Variants in CHCHD3 observed in about 807,000 individuals in gnomAD.
CHCHD3 encodes MICOS complex subunit MIC19.
A neutral mutation model predicts 38.2 loss-of-function variants in CHCHD3; 20 were observed. The observed-to-expected ratio is 0.52, with a 90% CI of 0.37 to 0.76. The LOEUF is 0.76. Ranked by LOEUF, CHCHD3 falls within the 30% of genes least tolerant of loss-of-function variation. The pLI, the probability that CHCHD3 is intolerant of heterozygous loss-of-function variation, is 0.00. For missense variants in CHCHD3, 245 were observed against 279.2 expected (o/e 0.88, Z 0.87); for synonymous variants, 82 against 100.0 (o/e 0.82, Z 1.07).
intron 4 of CHCHD3, among the ~76,000 whole-genome samples, chr7:132,936,725 T>C (rs1472760274): frequency 6.6e-6 from 1 of 152,224 alleles, no homozygotes; most frequent in African/African-American, 2.4e-5. Context: ...AGGATGTGGA[T>C]AATTACTATA....
chr7:132,893,881 G>A (rs918939136), intron 4 of CHCHD3, among the ~76,000 whole-genome samples: 1 of 152,190 alleles, frequency 6.6e-6, no homozygotes, highest in African/African-American at 2.4e-5. Context: ...GTGAAATTGT[G>A]AGACAATTAA....
In CHCHD3 at chr7:132,838,413, C is replaced by G. The variant is rs369119410; in HGVS notation, c.510G>C (p.Val170=). The G allele has an allele frequency of 6.2e-7, 1 of 1,610,604 alleles. No homozygotes were observed. Among genetic ancestry groups the G allele is most frequent in the African/African-American group, 1.3e-5 (1 of 74,798 alleles). ...TAAAAACTTACTTGAACTTTGCTTC[C>G]ACCTCTTCAGCAGCTTTCTGATATT... The part of the protein sequence containing the change: ...TEQYQKAAEE[V]EAKFKRYESH... Residue 170 remains valine, a synonymous_variant, in exon 6 of 8, where the codon GTG becomes GTC. Coordinates refer to ENST00000262570, the MANE Select transcript of CHCHD3 (RefSeq NM_017812.4).
intron 4 of CHCHD3, among the ~76,000 whole-genome samples, chr7:132,912,713 C>T (rs1809982177): frequency 6.6e-6 from 1 of 152,144 alleles, no homozygotes; most frequent in African/African-American, 2.4e-5. Context: ...CGCCACCACA[C>T]CCGGCTAATT....
chr7:132,865,735 G>GC (rs1205963629), intron 5 of CHCHD3, among the ~76,000 whole-genome samples: 2 of 152,158 alleles, frequency 1.3e-5, no homozygotes, highest in African/African-American at 4.8e-5. Context: ...AGCAAAGGCA[G>GC]CCCCCGAGCT....
intron 6 of CHCHD3, among the ~76,000 whole-genome samples, chr7:132,799,846 T>G (rs1250331230): frequency 1.3e-5 from 2 of 152,194 alleles, no homozygotes; most frequent in African/African-American, 4.8e-5. Flanking sequence ...TCTTTTACTC[T>G]GCTCTTCCCT....
At chr7:132,997,677 A>C (rs145573177) in intron 3 of CHCHD3, among the ~76,000 whole-genome samples, 27,029 of 148,570 alleles carry the variant, frequency 0.18, 2,991 homozygotes, top group South Asian at 0.25. Context: ...AAAAAAAAAA[A>C]AAAAAAAAAA....
At chr7:133,039,727 TC>T (rs1167698547) in intron 2 of CHCHD3, among the ~76,000 whole-genome samples, 1 of 152,232 alleles carries the variant, frequency 6.6e-6, no homozygotes, top group African/African-American at 2.4e-5. Flanking sequence ...CCATATCTAT[TC>T]TTTCTGCCCT....
chr7:133,081,791 C>G (rs1815178313), intron 1 of CHCHD3, 66 bp downstream of exon 1: 3 of 1,492,924 alleles, frequency 2.0e-6, no homozygotes, highest in South Asian at 1.2e-5. Flanking sequence ...TGAGCGGGTC[C>G]GGAGAAGATG....
intron 2 of CHCHD3, chr7:133,034,821 T>C: frequency 6.2e-7 from 1 of 1,611,758 alleles, no homozygotes; most frequent in East Asian, 2.2e-5. Flanking sequence ...GGAGCTGCTA[T>C]TGTTGGTTCC....
intron 6 of CHCHD3, among the ~76,000 whole-genome samples, chr7:132,807,719 C>G (rs1187272785): frequency 1.4e-5 from 2 of 147,328 alleles, no homozygotes; most frequent in Non-Finnish European, 3.0e-5. Flanking sequence ...TGAAAAAATA[C>G]ACAATTGCAA....
chr7:132,946,577 T>C (rs1257974428), intron 4 of CHCHD3, among the ~76,000 whole-genome samples: 1 of 151,890 alleles, frequency 6.6e-6, no homozygotes. Context: ...TATCCAAAAA[T>C]GATGAGTCTC....
intron 4 of CHCHD3, among the ~76,000 whole-genome samples, chr7:132,934,808 T>G (rs559506982): frequency 1.3e-4 from 20 of 152,202 alleles, no homozygotes; most frequent in Non-Finnish European, 2.6e-4. Context: ...TAGCCAGTAC[T>G]TTGGTAGGTC....
chr7:132,890,036 T>C (rs1393092196), intron 4 of CHCHD3, among the ~76,000 whole-genome samples: 1 of 152,202 alleles, frequency 6.6e-6, no homozygotes, highest in Non-Finnish European at 1.5e-5. Flanking sequence ...AAATATGTAT[T>C]GAATAGTTTT....
intron 2 of CHCHD3, among the ~76,000 whole-genome samples, chr7:133,060,726 T>C (rs183665703): frequency 7.2e-5 from 11 of 152,204 alleles, no homozygotes; most frequent in African/African-American, 2.4e-4. Context: ...CTGGCCAACA[T>C]GGTGAAACCC....
chr7:132,872,386 C>T (rs1434089978), intron 5 of CHCHD3, among the ~76,000 whole-genome samples: 3 of 152,140 alleles, frequency 2.0e-5, no homozygotes, highest in Non-Finnish European at 4.4e-5. Flanking sequence ...TACTTAAGAG[C>T]TACTAGTTGC....
At chr7:132,952,029 A>C (rs1176814490) in intron 4 of CHCHD3, among the ~76,000 whole-genome samples, 1 of 152,236 alleles carries the variant, frequency 6.6e-6, no homozygotes, top group Non-Finnish European at 1.5e-5. Context: ...CATGACTGCT[A>C]CATACATGCT....
At chr7:132,815,514 T>A (rs1340518483) in intron 6 of CHCHD3, 1 of 455,110 alleles carries the variant, frequency 2.2e-6, no homozygotes, top group Non-Finnish European at 4.4e-6. Context: ...GTTTCACTGG[T>A]GCTCAGGTTG....
chr7:133,042,517 TA>T (rs1813861904), intron 2 of CHCHD3, among the ~76,000 whole-genome samples: 1 of 152,216 alleles, frequency 6.6e-6, no homozygotes, highest in Non-Finnish European at 1.5e-5. Flanking sequence ...CTCATCATTA[TA>T]ATCAACTCTG....
At chr7:133,003,197 C>CA (rs1384866506) in intron 3 of CHCHD3, among the ~76,000 whole-genome samples, 1 of 151,944 alleles carries the variant, frequency 6.6e-6, no homozygotes, top group East Asian at 1.9e-4. Context: ...CAATGTGAAA[C>CA]ACGACTTGCA....
Sources: allele counts gnomAD v4.1 joint callset (sites outside exome capture counted in the v4.1 genomes callset), GRCh38; gene constraint gnomAD v4.1.1; transcripts MANE v1.5; gene names NCBI Gene and HGNC (gene_info 2026-07-23, HGNC 2026-07-21).